TCERG1L: variants seen among roughly 807,000 people sequenced by gnomAD.
The protein encoded by TCERG1L is transcription elongation regulator 1-like protein.
TCERG1L carries 37 observed loss-of-function variants against 56.3 expected under a neutral mutation model. The ratio of observed to expected loss-of-function variants is 0.66; its 90% CI spans 0.51 to 0.87. The LOEUF (loss-of-function observed/expected upper bound fraction) is 0.87. Ranked by LOEUF, TCERG1L falls within the 40% of genes least tolerant of loss-of-function variation. The pLI, the probability that TCERG1L is intolerant of heterozygous loss-of-function variation, is 0.00. For synonymous variants in TCERG1L, 324 were observed against 326.3 expected, an observed-to-expected ratio of 0.99 and a Z score of 0.08; for missense variants, 799 against 774.2, an observed-to-expected ratio of 1.03 and a Z score of -0.38.
rs1216043967 is a variant in TCERG1L, at chr10:131,177,051, G to A, written c.857-10166C>T. Reference sequence around the variant, plus strand: ...GTATACAGACACATGCACACACACAGACGTATACACACACAGACACATACA... The same window carrying A: ...GTATACAGACACATGCACACACACAAACGTATACACACACAGACACATACA... On this transcript the variant is annotated intron_variant, in intron 4 of 11. Coordinates refer to ENST00000368642, the MANE Select transcript of TCERG1L (RefSeq NM_174937.4). 3.2e-5 allele frequency among the ~76,000 whole-genome samples: 3 copies of A among 92,386 alleles called. No homozygotes were observed. The South Asian group carries it at 1.5e-3, about 45-fold the overall frequency. 60.6% of individuals were successfully genotyped at this position (92,386 alleles called of 152,430 possible).
intron 3 of TCERG1L, among the ~76,000 whole-genome samples, chr10:131,273,457 ATC>A (rs1342803008): frequency 1.3e-5 from 2 of 152,146 alleles, no homozygotes; most frequent in Non-Finnish European, 2.9e-5. Context: ...TGGAGCCTGA[ATC>A]TCTGCCACAA....
At chr10:131,242,834 T>A (rs113000532) in intron 4 of TCERG1L, among the ~76,000 whole-genome samples, 45 of 152,224 alleles carry the variant, frequency 3.0e-4, no homozygotes, top group African/African-American at 1.0e-3. Context: ...GTAGGATCAG[T>A]CTAGGAACAA....
At chr10:131,206,715 A>T (rs1845532488) in intron 4 of TCERG1L, among the ~76,000 whole-genome samples, 1 of 152,186 alleles carries the variant, frequency 6.6e-6, no homozygotes, top group Non-Finnish European at 1.5e-5. Context: ...AGCTGAGCTC[A>T]GCCAGGGTGA....
At chr10:131,282,533 A>G (rs1192024408) in intron 3 of TCERG1L, among the ~76,000 whole-genome samples, 1 of 152,218 alleles carries the variant, frequency 6.6e-6, no homozygotes, top group Non-Finnish European at 1.5e-5. Context: ...CTAGAAGTTG[A>G]TTAACTTACT....
At chr10:131,197,185 A>ATTTTTTTTT (rs11412949) in intron 4 of TCERG1L, among the ~76,000 whole-genome samples, 2 of 148,628 alleles carry the variant, frequency 1.3e-5, no homozygotes, top group African/African-American at 2.5e-5. Context: ...TCTCTCCTCC[A>ATTTTTTTTT]TTTTTTTTTT....
intron 4 of TCERG1L, among the ~76,000 whole-genome samples, chr10:131,200,518 T>A (rs1002565883): frequency 1.3e-5 from 2 of 152,232 alleles, no homozygotes; most frequent in African/African-American, 4.8e-5. Flanking sequence ...GTCTCCTTTT[T>A]GGAATCAGGA....
chr10:131,145,836 G>A (rs1212407322), intron 7 of TCERG1L, among the ~76,000 whole-genome samples: 1 of 152,234 alleles, frequency 6.6e-6, no homozygotes, highest in Non-Finnish European at 1.5e-5. Flanking sequence ...AAGACCGTTT[G>A]AATCCACATG....
chr10:131,271,905 C>T (rs1846343840), intron 3 of TCERG1L, among the ~76,000 whole-genome samples: 1 of 152,224 alleles, frequency 6.6e-6, no homozygotes, highest in South Asian at 2.1e-4. Context: ...CAACTGATTT[C>T]AGCTCCAGTG....
chr10:131,200,037 A>T (rs1589745237), intron 4 of TCERG1L, among the ~76,000 whole-genome samples: 3 of 151,850 alleles, frequency 2.0e-5, no homozygotes, highest in African/African-American at 7.2e-5. Flanking sequence ...CTATATCACT[A>T]CTTTTCCCGA....
intron 3 of TCERG1L, among the ~76,000 whole-genome samples, chr10:131,302,330 G>T (rs1258138208): frequency 4.1e-5 from 6 of 147,706 alleles, no homozygotes; most frequent in South Asian, 2.1e-4. Context: ...GCTGAAATTT[G>T]TTTTTTTGTT....
intron 4 of TCERG1L, among the ~76,000 whole-genome samples, chr10:131,187,080 G>A (rs188806358): frequency 2.8e-4 from 42 of 152,286 alleles, no homozygotes; most frequent in African/African-American, 1.0e-3. Flanking sequence ...CTCTGCCCCT[G>A]TACAACAAGG....
chr10:131,310,375 G>C (rs751238832), intron 1 of TCERG1L, among the ~76,000 whole-genome samples: 17 of 152,138 alleles, frequency 1.1e-4, no homozygotes, highest in Non-Finnish European at 2.2e-4. Context: ...GTATCATTAA[G>C]TCTAAAGACC....
intron 8 of TCERG1L, among the ~76,000 whole-genome samples, chr10:131,132,045 C>T (rs1286564797): frequency 6.6e-6 from 1 of 152,186 alleles, no homozygotes; most frequent in East Asian, 1.9e-4. Context: ...GTTCACCTGG[C>T]CTGGGGCGAT....
In TCERG1L at chr10:131,256,989, GAAGGA is replaced by G. The variant is rs1846172644; in HGVS notation, c.856+3265_856+3269del. Among the ~76,000 whole-genome samples, 8 of 70,374 alleles carry G rather than the reference GAAGGA, an allele frequency of 1.1e-4. No individual in the cohort carries two copies. In the East Asian group the frequency reaches 2.7e-3, roughly 24 times the overall value. The allele number at this position is 70,374 out of a possible 152,430, so 46.2% of individuals were successfully genotyped here. ...GGAAGGAAGGAAGGAAGGAAGGAAG[GAAGGA>G]AAGAAAGAAAGAAAGAAAGAAAGAA... On this transcript the variant is annotated intron_variant, in intron 4 of 11. Transcript: ENST00000368642.
intron 3 of TCERG1L, among the ~76,000 whole-genome samples, chr10:131,289,241 T>G (rs1330283665): frequency 6.6e-6 from 1 of 151,958 alleles, no homozygotes; most frequent in African/African-American, 2.4e-5. Context: ...GAGCGTCACG[T>G]GACGGAGAAG....
chr10:131,192,390 G>C (rs141610740), intron 4 of TCERG1L, among the ~76,000 whole-genome samples: 1 of 143,706 alleles, frequency 7.0e-6, no homozygotes, highest in African/African-American at 2.6e-5. Flanking sequence ...TGAGGAAAAG[G>C]GACTCCTTTT....
chr10:131,220,691 G>A lies in TCERG1L; in HGVS notation c.856+39568C>T, dbSNP rs570862742. ...AGAAGGGCTTGCCTGAGGCCCCCAC[G>A]TGGGCAGCCAGGCCGGACCAGGCTG... On this transcript the variant is annotated intron_variant, in intron 4 of 11. Coordinates refer to ENST00000368642, the MANE Select transcript of TCERG1L (RefSeq NM_174937.4). Among the ~76,000 whole-genome samples the A allele has an allele frequency of 9.5e-4, 144 of 152,180 alleles. 1 individual carries two copies. Among genetic ancestry groups the A allele is most frequent in the Non-Finnish European group, 1.6e-3 (107 of 67,984 alleles).
intron 3 of TCERG1L, among the ~76,000 whole-genome samples, chr10:131,280,097 AG>A (rs1846435146): frequency 6.6e-6 from 1 of 152,234 alleles, no homozygotes; most frequent in South Asian, 2.1e-4. Context: ...ACATGTGCCC[AG>A]GGTGGTCAGA....
chr10:131,110,553 C>G (rs897687086), intron 9 of TCERG1L, among the ~76,000 whole-genome samples: 2 of 152,236 alleles, frequency 1.3e-5, no homozygotes, highest in Admixed American at 6.5e-5. Context: ...ACGGCCCGAG[C>G]CCAGCACTGT....
Sources: gnomAD v4.1 joint callset for allele counts (sites outside exome capture counted in the v4.1 genomes callset) on GRCh38, gnomAD v4.1.1 for gene constraint, MANE v1.5 for transcripts, NCBI Gene and HGNC (gene_info 2026-07-23, HGNC 2026-07-21) for gene names.